The following DLG2 variants were observed in gnomAD, a reference collection of about 807,000 sequenced individuals.
DLG2 encodes disks large homolog 2.
A neutral mutation model predicts 132.5 loss-of-function variants in DLG2; 45 were observed. The ratio of observed to expected loss-of-function variants is 0.34; its 90% CI spans 0.27 to 0.44. The LOEUF (loss-of-function observed/expected upper bound fraction) is 0.44, where lower values mean the gene tolerates loss of function less well. Ranked by LOEUF, DLG2 falls within the 20% of genes least tolerant of loss-of-function variation. The pLI is 1.00. For missense variants in DLG2, 1,045 were observed against 1,196.9 expected, an observed-to-expected ratio of 0.87 and a Z score of 1.87; for synonymous variants, 424 against 419.6, an observed-to-expected ratio of 1.01 and a Z score of -0.13.
intron 7 of DLG2, among the ~76,000 whole-genome samples, chr11:84,484,369 A>G (rs1308256029): frequency 6.6e-6 from 1 of 152,034 alleles, no homozygotes; most frequent in Non-Finnish European, 1.5e-5. Flanking sequence ...GATACTCACC[A>G]CTCACTGTGG....
At chr11:84,888,133 T>C (rs2088653064) in intron 6 of DLG2, among the ~76,000 whole-genome samples, 1 of 152,138 alleles carries the variant, frequency 6.6e-6, no homozygotes. Flanking sequence ...GATAGTTTAT[T>C]TTACATGTCA....
chr11:85,304,811 A>T (rs964491790), intron 3 of DLG2, among the ~76,000 whole-genome samples: 1 of 152,232 alleles, frequency 6.6e-6, no homozygotes, highest in Non-Finnish European at 1.5e-5. Context: ...TAAGAACAGC[A>T]GCATCAGTAG....
intron 6 of DLG2, among the ~76,000 whole-genome samples, chr11:84,988,765 TG>T (rs1348893847): frequency 6.6e-6 from 1 of 152,122 alleles, no homozygotes; most frequent in Non-Finnish European, 1.5e-5. Context: ...ACAAATTGGG[TG>T]TAATATATAC....
In DLG2 at chr11:84,954,213, G is replaced by A. The variant is rs1312859769; in HGVS notation, c.357+157448C>T. On this transcript the variant is annotated intron_variant, in intron 6 of 27. Transcript: ENST00000376104. ...TAAGTCTCACCTGGACCTCTGCATT[G>A]GACTCTCCTCTTTCTACTGTCTAGG... 2.6e-5 allele frequency among the ~76,000 whole-genome samples: 4 copies of A among 151,824 alleles called. No individual in the cohort carries two copies. The East Asian group carries it at 7.7e-4, about 29-fold the overall frequency.
intron 7 of DLG2, among the ~76,000 whole-genome samples, chr11:84,358,343 A>G (rs1023398339): frequency 4.0e-5 from 6 of 150,150 alleles, no homozygotes; most frequent in African/African-American, 1.2e-4. Context: ...TTCTGTCTTC[A>G]TCAAACAGCA....
intron 6 of DLG2, among the ~76,000 whole-genome samples, chr11:85,001,455 T>C (rs1037920225): frequency 6.6e-6 from 1 of 152,172 alleles, no homozygotes; most frequent in African/African-American, 2.4e-5. Context: ...TAGAAGTCTT[T>C]ACAGACCATG....
intron 7 of DLG2, among the ~76,000 whole-genome samples, chr11:84,402,581 T>TA (rs1054472889): frequency 3.4e-5 from 5 of 148,070 alleles, no homozygotes; most frequent in East Asian, 2.0e-4. Flanking sequence ...AGGTTGGCAA[T>TA]AAAAAAAAAT....
intron 3 of DLG2, among the ~76,000 whole-genome samples, chr11:85,313,760 T>C (rs1191273426): frequency 6.6e-6 from 1 of 151,936 alleles, no homozygotes; most frequent in East Asian, 1.9e-4. Context: ...TATGTAAAAG[T>C]TTATGTATCT....
chr11:83,573,780 GAAC>G (rs1296806824), intron 19 of DLG2, among the ~76,000 whole-genome samples: 6 of 152,118 alleles, frequency 3.9e-5, no homozygotes, highest in African/African-American at 1.4e-4. Context: ...GCATTTGAAT[GAAC>G]AACAGATAAG....
intron 6 of DLG2, among the ~76,000 whole-genome samples, chr11:84,632,637 G>A (rs753025967): frequency 2.0e-5 from 3 of 152,210 alleles, no homozygotes; most frequent in South Asian, 2.1e-4. Context: ...ATGTCTAGCA[G>A]TGGAGACAGA....
chr11:85,414,462 C>T (rs1451111808), intron 3 of DLG2, among the ~76,000 whole-genome samples: 1 of 151,666 alleles, frequency 6.6e-6, no homozygotes, highest in Non-Finnish European at 1.5e-5. Flanking sequence ...TGAAAGAGTG[C>T]TTGATATAAT....
At chr11:83,717,150 T>C (rs577138034) in intron 18 of DLG2, among the ~76,000 whole-genome samples, 2 of 152,296 alleles carry the variant, frequency 1.3e-5, no homozygotes, top group East Asian at 3.9e-4. Context: ...TACCTCTCAC[T>C]AACTAGGAAA....
At chr11:85,136,662 T>C (rs973325591) in intron 5 of DLG2, among the ~76,000 whole-genome samples, 2 of 152,242 alleles carry the variant, frequency 1.3e-5, no homozygotes, top group South Asian at 2.1e-4. Flanking sequence ...TATCATAAAA[T>C]TACTCTTGTA....
At chr11:84,588,245 C>A (rs1325471540) in intron 6 of DLG2, among the ~76,000 whole-genome samples, 2 of 152,158 alleles carry the variant, frequency 1.3e-5, no homozygotes. Context: ...ACTCCGCAAT[C>A]CATGCTGTCT....
At chr11:84,782,120 G>A (rs1008691559) in intron 6 of DLG2, among the ~76,000 whole-genome samples, 3 of 151,912 alleles carry the variant, frequency 2.0e-5, no homozygotes, top group East Asian at 1.9e-4. Context: ...AAAACCCCAC[G>A]GGTAACAGAC....
chr11:84,242,416 T>G (rs1378578304), intron 8 of DLG2, among the ~76,000 whole-genome samples: 1 of 152,122 alleles, frequency 6.6e-6, no homozygotes, highest in Non-Finnish European at 1.5e-5. Flanking sequence ...AGAACTTTTT[T>G]TTTTTTTGAA....
At chr11:85,403,788 G>C (rs1393108328) in intron 3 of DLG2, among the ~76,000 whole-genome samples, 3 of 151,950 alleles carry the variant, frequency 2.0e-5, no homozygotes, top group African/African-American at 7.2e-5. Flanking sequence ...GGCTGCAGTG[G>C]GAAGAAGCAG....
In DLG2 at chr11:84,505,089, T is replaced by C. The variant is rs943453066; in HGVS notation, c.519+29481A>G. On this transcript the variant is annotated intron_variant, in intron 7 of 27. Transcript: ENST00000376104. ...CTAGCTTCGTTGGTGCCTTTCTAAATGATACTTAATCTTTCTATACCTCAG... is the reference window on the plus strand; with the variant it reads ...CTAGCTTCGTTGGTGCCTTTCTAAACGATACTTAATCTTTCTATACCTCAG... Among the ~76,000 whole-genome samples the C allele has an allele frequency of 5.9e-5, 9 of 152,290 alleles. No individual in the cohort carries two copies. The East Asian group carries it at 1.5e-3, about 26-fold the overall frequency.
chr11:85,024,541 G>A (rs952196847), intron 6 of DLG2, among the ~76,000 whole-genome samples: 1 of 152,140 alleles, frequency 6.6e-6, no homozygotes, highest in Non-Finnish European at 1.5e-5. Context: ...CATTCCTGAA[G>A]CCCAAAAGAA....
Sources: allele counts gnomAD v4.1 joint callset (sites outside exome capture counted in the v4.1 genomes callset), GRCh38; gene constraint gnomAD v4.1.1; transcripts MANE v1.5; gene names NCBI Gene and HGNC (gene_info 2026-07-23, HGNC 2026-07-21).